Variants in PCDH15 observed in about 807,000 individuals in gnomAD.
The protein encoded by PCDH15 is protocadherin related 15.
PCDH15 carries 129 observed loss-of-function variants against 178.5 expected under a neutral mutation model. That is an observed-to-expected ratio of 0.72 (90% CI 0.63 to 0.84). The LOEUF (loss-of-function observed/expected upper bound fraction) is 0.84. Ranked by LOEUF, PCDH15 falls within the 40% of genes least tolerant of loss-of-function variation. The pLI, the probability that PCDH15 is intolerant of heterozygous loss-of-function variation, is 0.00. For synonymous variants in PCDH15, 800 were observed against 732.0 expected (o/e 1.09, Z -1.50); for missense variants, 2,230 against 2,099.9 (o/e 1.06, Z -1.21).
intron 1 of PCDH15, among the ~76,000 whole-genome samples, chr10:54,773,882 TTCTTATGAAG>T (rs1277397350): frequency 6.6e-6 from 1 of 152,122 alleles, no homozygotes; most frequent in African/African-American, 2.4e-5. Context: ...ATGAACTGAT[TTCTTATGAAG>T]TCAGCTTCAA....
chr10:53,960,220 C>T (rs1222031208), intron 22 of PCDH15, among the ~76,000 whole-genome samples: 1 of 152,078 alleles, frequency 6.6e-6, no homozygotes, highest in Admixed American at 6.6e-5. Flanking sequence ...TTTATAGCAC[C>T]AATACACTTA....
intron 2 of PCDH15, among the ~76,000 whole-genome samples, chr10:55,111,510 T>C (rs1183217016): frequency 1.3e-5 from 2 of 152,162 alleles, no homozygotes; most frequent in Middle Eastern, 6.8e-3. Flanking sequence ...CTTAACTCAA[T>C]TGGGAGTCCA....
Position 54,932,165 on chromosome 10 carries a change from G to T in PCDH15, c.-79-34665C>A, listed in dbSNP as rs375559769. 2.0e-5 allele frequency among the ~76,000 whole-genome samples: 3 copies of T among 152,228 alleles called. No individual in the cohort carries two copies. The South Asian group carries it at 6.2e-4, about 32-fold the overall frequency. On this transcript the variant is annotated intron_variant, in intron 2 of 5. Coordinates refer to the PCDH15 transcript ENST00000458638. ...AAAGTTAACTGTAAAATAGGCTCACGCAGGTCCTTCAGGAAGTATTTCAGA... is the reference window on the plus strand; with the variant it reads ...AAAGTTAACTGTAAAATAGGCTCACTCAGGTCCTTCAGGAAGTATTTCAGA...
intron 2 of PCDH15, among the ~76,000 whole-genome samples, chr10:55,370,711 G>A (rs10763197): frequency 1.3e-5 from 2 of 151,966 alleles, no homozygotes; most frequent in African/African-American, 4.8e-5. Flanking sequence ...AAGTAAATCA[G>A]AAGTGTACCT....
At chr10:55,616,088 G>A (rs974055616) in intron 2 of PCDH15, among the ~76,000 whole-genome samples, 7 of 152,098 alleles carry the variant, frequency 4.6e-5, no homozygotes, top group African/African-American at 1.7e-4. Flanking sequence ...CTTTCCTGCA[G>A]CCCACCATTA....
At chr10:53,907,018 G>A (rs920065180) in intron 25 of PCDH15, 1 of 152,074 alleles carries the variant, frequency 6.6e-6, no homozygotes, top group African/African-American at 2.4e-5. Flanking sequence ...ATGTTGGCCA[G>A]TAAGAAAAGG....
chr10:54,410,239 T>C (rs1486018916), intron 3 of PCDH15, among the ~76,000 whole-genome samples: 1 of 152,164 alleles, frequency 6.6e-6, no homozygotes, highest in Non-Finnish European at 1.5e-5. Context: ...TCTGCTTGCA[T>C]ATCTAGTTCT....
chr10:55,072,126 A>G (rs976162900), intron 2 of PCDH15, among the ~76,000 whole-genome samples: 15 of 152,298 alleles, frequency 9.8e-5, no homozygotes, highest in Non-Finnish European at 1.3e-4. Context: ...ATAGCACTAA[A>G]TGCCCACAAG....
intron 8 of PCDH15, among the ~76,000 whole-genome samples, chr10:54,258,731 TAA>T (rs1455251319): frequency 6.6e-6 from 1 of 152,158 alleles, no homozygotes; most frequent in African/African-American, 2.4e-5. Context: ...CCAACGTGAA[TAA>T]AGTCTGAAGA....
chr10:55,432,309 T>C (rs1565132821), intron 2 of PCDH15, among the ~76,000 whole-genome samples: 1 of 152,336 alleles, frequency 6.6e-6, no homozygotes, highest in South Asian at 2.1e-4. Context: ...TATGAAGTCA[T>C]AGATAAATTG....
chr10:54,401,937 A>C (rs1951986650), intron 3 of PCDH15, among the ~76,000 whole-genome samples: 1 of 151,916 alleles, frequency 6.6e-6, no homozygotes, highest in South Asian at 2.1e-4. Flanking sequence ...ACAAAAATAC[A>C]TCAAAGAATA....
chr10:54,906,834 C>T (rs1484564093), intron 2 of PCDH15, among the ~76,000 whole-genome samples: 1 of 152,096 alleles, frequency 6.6e-6, no homozygotes, highest in Admixed American at 6.6e-5. Flanking sequence ...CAGTGTCTCC[C>T]TAGGAATTTC....
chr10:55,243,123 CTT>C (rs1841596858), intron 1 of PCDH15, among the ~76,000 whole-genome samples: 2 of 151,856 alleles, frequency 1.3e-5, no homozygotes, highest in African/African-American at 2.4e-5. Flanking sequence ...AACAAAGAAA[CTT>C]TGTCTGAAAA....
intron 26 of PCDH15, among the ~76,000 whole-genome samples, chr10:53,892,647 T>C (rs2081651159): frequency 6.6e-6 from 1 of 152,152 alleles, no homozygotes; most frequent in Non-Finnish European, 1.5e-5. Context: ...ATGTTTTACT[T>C]GTTCAGACTA....
intron 2 of PCDH15, among the ~76,000 whole-genome samples, chr10:55,112,846 G>C (rs1837541435): frequency 6.6e-6 from 1 of 152,184 alleles, no homozygotes; most frequent in African/African-American, 2.4e-5. Flanking sequence ...GCCTTGGGAA[G>C]AGAAGGAAAA....
intron 2 of PCDH15, among the ~76,000 whole-genome samples, chr10:55,547,910 T>TGTGTGTGAGAGAGAGAGAGAGAGCGA (rs541144266): frequency 1.8e-5 from 1 of 54,508 alleles, no homozygotes; most frequent in Admixed American, 2.1e-4. Context: ...TGTGTGTGTG[T>TGTGTGTGAGAGAGAGAGAGAGAGCGA]GAGAGAGAGA....
intron 8 of PCDH15, among the ~76,000 whole-genome samples, chr10:54,274,525 G>A (rs906606939): frequency 1.3e-5 from 2 of 151,796 alleles, no homozygotes; most frequent in African/African-American, 4.8e-5. Context: ...GCCTAGAACA[G>A]GGCCTGGAAT....
intron 15 of PCDH15, among the ~76,000 whole-genome samples, chr10:54,101,745 T>C (rs2094816082): frequency 6.6e-6 from 1 of 151,942 alleles, no homozygotes; most frequent in African/African-American, 2.4e-5. Context: ...GACCAGAAGA[T>C]TATATGTGGA....
chr10:54,170,196 C>A, intron 13 of PCDH15, among the ~76,000 whole-genome samples: 1 of 150,438 alleles, frequency 6.6e-6, no homozygotes, highest in East Asian at 1.9e-4. Context: ...CAGCATAATT[C>A]TCATAAAAAC....
Sources: gnomAD v4.1 joint callset for allele counts (sites outside exome capture counted in the v4.1 genomes callset) on GRCh38, gnomAD v4.1.1 for gene constraint, MANE v1.5 for transcripts, NCBI Gene and HGNC (gene_info 2026-07-23, HGNC 2026-07-21) for gene names.